The following NGEF variants were observed in gnomAD, a reference collection of about 807,000 sequenced individuals.
NGEF encodes neuronal guanine nucleotide exchange factor.
In NGEF, 31 loss-of-function variants were observed where a neutral mutation model predicts 80.9. The observed-to-expected ratio is 0.38, with a 90% CI of 0.29 to 0.52. The LOEUF (loss-of-function observed/expected upper bound fraction) is 0.52, where lower values mean the gene tolerates loss of function less well. NGEF is among the 20% of genes least tolerant of loss of function. NGEF has a pLI of 0.84. For missense variants in NGEF, 709 were observed against 926.2 expected (o/e 0.77, Z 3.04); for synonymous variants, 371 against 370.2 (o/e 1.00, Z -0.03).
chr2:232,999,302 A>G (rs540269629), intron 1 of NGEF, among the ~76,000 whole-genome samples: 2 of 152,298 alleles, frequency 1.3e-5, no homozygotes, highest in East Asian at 3.9e-4. Flanking sequence ...AAATGTATAT[A>G]ATGTTCAATA....
intron 5 of NGEF, among the ~76,000 whole-genome samples, chr2:232,915,031 A>G (rs115844801): frequency 0.042 from 6,327 of 151,838 alleles, 481 homozygotes; most frequent in African/African-American, 0.15. Context: ...AAAAAAAAAA[A>G]AAAAGAACAT....
At chr2:232,910,587 C>T (rs546098215) in intron 5 of NGEF, among the ~76,000 whole-genome samples, 24 of 151,822 alleles carry the variant, frequency 1.6e-4, no homozygotes, top group African/African-American at 4.6e-4. Context: ...TGCTACGGGG[C>T]GGGGCTGCTG....
At chr2:232,913,667 TC>T in intron 5 of NGEF, among the ~76,000 whole-genome samples, 1 of 152,294 alleles carries the variant, frequency 6.6e-6, no homozygotes, top group Middle Eastern at 3.4e-3. Context: ...ACACCTGTAA[TC>T]CCAGCACTTT....
intron 5 of NGEF, among the ~76,000 whole-genome samples, chr2:232,906,709 T>G (rs79321648): frequency 0.49 from 11,169 of 22,750 alleles, 4,551 homozygotes; most frequent in Non-Finnish European, 0.57. Flanking sequence ...GAACGGGCCA[T>G]GATGACAATG....
intron 3 of NGEF, among the ~76,000 whole-genome samples, chr2:232,943,176 T>TG (rs1693474966): frequency 1.3e-5 from 2 of 151,956 alleles, no homozygotes; most frequent in East Asian, 3.9e-4. Context: ...CCTTTTTTTG[T>TG]GGGGGTCTCA....
rs1694754824 is a variant in NGEF at position 232,995,076 on chromosome 2, ATATG to A, written c.-75+17988_-75+17991del. Among the ~76,000 whole-genome samples the A allele has an allele frequency of 5.3e-5, 2 of 37,722 alleles. 1 individual carries two copies. The highest frequency in any genetic ancestry group is 2.4e-4 in the African/African-American group (2 of 8,208). The allele number at this position is 37,722 out of a possible 152,430, so 24.7% of individuals were successfully genotyped here. A position where few individuals can be genotyped will look rare whatever the true frequency, so the allele number is the denominator to read the frequency against. The stretch of plus-strand genomic sequence containing the variant: ...TATATATGTACAGTATGTATACTGT[ATATG>A]TGTACAGTATGTATATGTGTACAGT... On this transcript the variant is annotated intron_variant, in intron 1 of 14. Transcript: ENST00000264051.
At chr2:232,885,141 CA>C in intron 10 of NGEF, 138 bp downstream of exon 10, 1 of 730,274 alleles carries the variant, frequency 1.4e-6, no homozygotes, top group Non-Finnish European at 2.3e-6. Flanking sequence ...CTGGGGAGGT[CA>C]GGGGGCAGAG....
intron 3 of NGEF, among the ~76,000 whole-genome samples, chr2:232,931,037 C>G (rs528786093): frequency 3.3e-5 from 5 of 151,800 alleles, no homozygotes; most frequent in African/African-American, 9.7e-5. Flanking sequence ...TCTATGTTTC[C>G]AAAATACAAT....
At chr2:232,966,199 G>C (rs1394539223) in intron 3 of NGEF, among the ~76,000 whole-genome samples, 2 of 152,166 alleles carry the variant, frequency 1.3e-5, no homozygotes, top group Admixed American at 1.3e-4. Context: ...TGGGCTCTCA[G>C]AGTGGGGCCC....
At chr2:232,887,407 T>C (rs1405035610) in intron 9 of NGEF, among the ~76,000 whole-genome samples, 1 of 146,752 alleles carries the variant, frequency 6.8e-6, no homozygotes, top group Non-Finnish European at 1.5e-5. Context: ...AGATGGTCCT[T>C]GCACTCTTGG....
chr2:232,922,953 C>G (rs939577633), intron 4 of NGEF, among the ~76,000 whole-genome samples: 2 of 152,026 alleles, frequency 1.3e-5, no homozygotes, highest in African/African-American at 4.8e-5. Context: ...GCCTATAATC[C>G]CAGCTACTCG....
chr2:232,921,559 C>A (rs1185838034), intron 4 of NGEF, among the ~76,000 whole-genome samples: 2 of 152,160 alleles, frequency 1.3e-5, no homozygotes, highest in Non-Finnish European at 2.9e-5. Context: ...TCCAGTGATT[C>A]CCCTGCCTCA....
At chr2:232,993,170 A>ATT (rs1694699167) in intron 1 of NGEF, among the ~76,000 whole-genome samples, 1 of 134,502 alleles carries the variant, frequency 7.4e-6, no homozygotes. Flanking sequence ...TATATATTAT[A>ATT]TATATAAATA....
At chr2:232,926,336 C>A (rs1026626926) in intron 4 of NGEF, among the ~76,000 whole-genome samples, 1 of 95,104 alleles carries the variant, frequency 1.1e-5, no homozygotes, top group Admixed American at 1.1e-4. Context: ...ATGTCACTAG[C>A]GATTTTTTTT....
intron 1 of NGEF, among the ~76,000 whole-genome samples, chr2:232,981,414 G>A (rs867371006): frequency 6.6e-6 from 1 of 151,990 alleles, no homozygotes; most frequent in African/African-American, 2.4e-5. Context: ...TAGAAATTAC[G>A]GTTTAGGGGT....
intron 5 of NGEF, among the ~76,000 whole-genome samples, chr2:232,900,771 C>T (rs112248911): frequency 0.061 from 544 of 8,880 alleles, 66 homozygotes; most frequent in Middle Eastern, 0.31. Flanking sequence ...CACACACGCT[C>T]TCACACTCAT....
At chr2:232,942,238 A>C (rs1693451850) in intron 3 of NGEF, among the ~76,000 whole-genome samples, 1 of 152,200 alleles carries the variant, frequency 6.6e-6, no homozygotes, top group Non-Finnish European at 1.5e-5. Context: ...GGGCTATCAG[A>C]AACCCTGATC....
chr2:232,981,398 C>T (rs1198777728), intron 1 of NGEF, among the ~76,000 whole-genome samples: 1 of 152,052 alleles, frequency 6.6e-6, no homozygotes, highest in East Asian at 1.9e-4. Context: ...AAATTAGCTA[C>T]ACGAGTAGAA....
chr2:232,917,257 A>G (rs774971948), intron 5 of NGEF, among the ~76,000 whole-genome samples: 1 of 152,250 alleles, frequency 6.6e-6, no homozygotes, highest in Non-Finnish European at 1.5e-5. Context: ...GTAAAAATCT[A>G]TAAGGATTTT....
Sources: allele counts gnomAD v4.1 joint callset (sites outside exome capture counted in the v4.1 genomes callset), GRCh38; gene constraint gnomAD v4.1.1; transcripts MANE v1.5; gene names NCBI Gene and HGNC (gene_info 2026-07-23, HGNC 2026-07-21).